The following PRIMA1 variants were observed in gnomAD, a reference collection of about 807,000 sequenced individuals.
The protein encoded by PRIMA1 is proline-rich membrane anchor 1.
A neutral mutation model predicts 17.5 loss-of-function variants in PRIMA1; 7 were observed. That is an observed-to-expected ratio of 0.40 (90% CI 0.23 to 0.75). PRIMA1 has a LOEUF of 0.75. PRIMA1 is among the 30% of genes least tolerant of loss of function. The pLI, the probability that PRIMA1 is intolerant of heterozygous loss-of-function variation, is 0.37. For missense variants in PRIMA1, 200 were observed against 201.8 expected (o/e 0.99, Z 0.05); for synonymous variants, 97 against 77.9 (o/e 1.25, Z -1.29).
intron 3 of PRIMA1, among the ~76,000 whole-genome samples, chr14:93,771,113 T>C (rs1035304552): frequency 6.6e-6 from 1 of 151,704 alleles, no homozygotes; most frequent in South Asian, 2.1e-4. Context: ...TGTACGCGTG[T>C]GCATGTATGT....
At chr14:93,745,043 C>CG (rs1333268247) in intron 3 of PRIMA1, among the ~76,000 whole-genome samples, 1 of 152,138 alleles carries the variant, frequency 6.6e-6, no homozygotes, top group Non-Finnish European at 1.5e-5. Context: ...GGAGTGTCCC[C>CG]GGGAAGTGAT....
intron 3 of PRIMA1, among the ~76,000 whole-genome samples, chr14:93,750,601 A>G (rs940524972): frequency 2.0e-5 from 3 of 152,208 alleles, no homozygotes; most frequent in Admixed American, 1.3e-4. Context: ...CTATTTGTTT[A>G]CACCTTGTCC....
intron 4 of PRIMA1, 133 bp downstream of exon 4, chr14:93,737,108 T>TATA: frequency 1.2e-6 from 1 of 804,900 alleles, no homozygotes; most frequent in South Asian, 1.9e-5. Flanking sequence ...AAGGTCACTG[T>TATA]ATATTCTTTC....
At chr14:93,771,547 G>A (rs1043394677) in intron 3 of PRIMA1, among the ~76,000 whole-genome samples, 3 of 152,112 alleles carry the variant, frequency 2.0e-5, no homozygotes, top group African/African-American at 7.2e-5. Context: ...ACAGACTATC[G>A]GTGCATGAAA....
intron 3 of PRIMA1, among the ~76,000 whole-genome samples, chr14:93,764,348 C>T (rs1323576309): frequency 2.7e-5 from 4 of 149,926 alleles, no homozygotes; most frequent in Non-Finnish European, 5.9e-5. Flanking sequence ...TCCTCCAGGA[C>T]ACCTGCCCTG....
At chr14:93,739,223 T>A (rs1372007617) in intron 3 of PRIMA1, among the ~76,000 whole-genome samples, 1 of 152,156 alleles carries the variant, frequency 6.6e-6, no homozygotes, top group Non-Finnish European at 1.5e-5. Context: ...CAGCTAATTT[T>A]GTATTTTTAG....
intron 3 of PRIMA1, among the ~76,000 whole-genome samples, chr14:93,775,093 C>G (rs1461046602): frequency 6.6e-6 from 1 of 152,202 alleles, no homozygotes; most frequent in Non-Finnish European, 1.5e-5. Flanking sequence ...ATGCCCAACG[C>G]AGGGTTGGAC....
At chr14:93,781,599 G>A (rs150546421) in intron 2 of PRIMA1, among the ~76,000 whole-genome samples, 1 of 152,372 alleles carries the variant, frequency 6.6e-6, no homozygotes, top group African/African-American at 2.4e-5. Flanking sequence ...AGGCACAGAT[G>A]TATAAGGGTG....
rs142213106 is a variant in PRIMA1, at chr14:93,721,357, C to G, written c.*87G>C. ...GAGGCAATGAAGTCCTGGACAAGCT[C>G]AGGGTTAGCTCATGTCCACCTGCTT... On this transcript the variant is annotated 3_prime_UTR_variant, in exon 5 of 5. Transcript: ENST00000393140. 7.3e-5 allele frequency: 60 copies of G among 818,650 alleles called. No homozygotes were observed. In the African/African-American group the frequency reaches 7.8e-4, roughly 11 times the overall value. The allele number at this position is 818,650 out of a possible 1,614,324, so 50.7% of individuals were successfully genotyped here. A position where few individuals can be genotyped will look rare whatever the true frequency, so the allele number is the denominator to read the frequency against.
chr14:93,752,422 CG>C (rs2076265610), intron 3 of PRIMA1, among the ~76,000 whole-genome samples: 1 of 152,196 alleles, frequency 6.6e-6, no homozygotes, highest in Non-Finnish European at 1.5e-5. Flanking sequence ...CAACCCCACG[CG>C]GGGCCCCTCA....
At chr14:93,745,984 G>T (rs184538424) in intron 3 of PRIMA1, among the ~76,000 whole-genome samples, 3 of 152,208 alleles carry the variant, frequency 2.0e-5, no homozygotes, top group Admixed American at 1.3e-4. Flanking sequence ...ACACCCCTCC[G>T]CCGCTGCCCC....
upstream of PRIMA1, chr14:93,788,538 C>T (rs1175803089): frequency 6.6e-6 from 1 of 152,318 alleles, no homozygotes; most frequent in African/African-American, 2.4e-5. Flanking sequence ...CAGTCCCCCG[C>T]CCTCTAGGCG....
intron 3 of PRIMA1, among the ~76,000 whole-genome samples, chr14:93,772,542 AAAGC>A (rs1274748768): frequency 3.8e-4 from 58 of 152,316 alleles, no homozygotes; most frequent in Non-Finnish European, 4.7e-4. Context: ...TGACATTTAC[AAAGC>A]AAGCCAGGTC....
intron 4 of PRIMA1, among the ~76,000 whole-genome samples, chr14:93,722,999 G>T (rs1184958479): frequency 6.6e-6 from 1 of 152,090 alleles, no homozygotes; most frequent in Non-Finnish European, 1.5e-5. Context: ...GAGGCTCTGA[G>T]AAGGCTGTTG....
chr14:93,727,272 A>G lies in PRIMA1; in HGVS notation c.360-5726T>C, dbSNP rs548506679. 2.6e-5 allele frequency among the ~76,000 whole-genome samples: 4 copies of G among 152,316 alleles called. No individual in the cohort carries two copies. The East Asian group carries it at 7.7e-4, about 29-fold the overall frequency. On this transcript the variant is annotated intron_variant, in intron 4 of 4. Coordinates refer to ENST00000393140, the MANE Select transcript of PRIMA1 (RefSeq NM_178013.4). ...CTGGGAGCTGTGGGCCGAGGGGAGC[A>G]GAGAGGGGTCTGCCGGGGGAGGGGC...
intron 2 of PRIMA1, among the ~76,000 whole-genome samples, chr14:93,785,448 G>A (rs1333141192): frequency 1.3e-5 from 2 of 152,138 alleles, no homozygotes; most frequent in African/African-American, 4.8e-5. Context: ...TTGCCTCATC[G>A]ACGATCCCAT....
At chr14:93,752,737 C>T (rs1445326986) in intron 3 of PRIMA1, among the ~76,000 whole-genome samples, 1 of 151,858 alleles carries the variant, frequency 6.6e-6, no homozygotes, top group Admixed American at 6.6e-5. Flanking sequence ...TCTGTCTGGA[C>T]AAGCAGCCCA....
At chr14:93,776,791 A>G (rs1885233457) in intron 3 of PRIMA1, among the ~76,000 whole-genome samples, 1 of 152,204 alleles carries the variant, frequency 6.6e-6, no homozygotes, top group Admixed American at 6.5e-5. Flanking sequence ...AAACTTTCCA[A>G]TTACTTTATA....
At chr14:93,757,970 G>C (rs949418610) in intron 3 of PRIMA1, among the ~76,000 whole-genome samples, 3 of 152,144 alleles carry the variant, frequency 2.0e-5, no homozygotes, top group Non-Finnish European at 2.9e-5. Context: ...TTGATGGGGG[G>C]CCTAGGAGGC....
Sources: gnomAD v4.1 joint callset for allele counts (sites outside exome capture counted in the v4.1 genomes callset) on GRCh38, gnomAD v4.1.1 for gene constraint, MANE v1.5 for transcripts, NCBI Gene and HGNC (gene_info 2026-07-23, HGNC 2026-07-21) for gene names.